PCDH9: variants seen among roughly 807,000 people sequenced by gnomAD.
PCDH9 encodes protocadherin 9.
A neutral mutation model predicts 70.6 loss-of-function variants in PCDH9; 24 were observed. That is an observed-to-expected ratio of 0.34 (90% CI 0.25 to 0.48). The LOEUF is 0.48. Among genes scored for constraint, PCDH9 ranks in the 20% least tolerant of loss-of-function variants. The pLI, the probability that PCDH9 is intolerant of heterozygous loss-of-function variation, is 0.99. For missense variants in PCDH9, 1,281 were observed against 1,503.6 expected, an observed-to-expected ratio of 0.85 and a Z score of 2.45; for synonymous variants, 562 against 558.5, an observed-to-expected ratio of 1.01 and a Z score of -0.09.
intron 4 of PCDH9, among the ~76,000 whole-genome samples, chr13:66,554,684 C>T (rs1961645957): frequency 6.6e-6 from 1 of 151,762 alleles, no homozygotes; most frequent in Non-Finnish European, 1.5e-5. Context: ...CATTCTTAGC[C>T]AATAGCATTA....
intron 4 of PCDH9, among the ~76,000 whole-genome samples, chr13:66,457,581 G>A (rs146487921): frequency 3.7e-4 from 56 of 152,074 alleles, no homozygotes; most frequent in African/African-American, 1.3e-3. Context: ...AGCCTAGGGA[G>A]TTTTTTAAAA....
At chr13:66,569,191 A>AT (rs1157673188) in intron 4 of PCDH9, among the ~76,000 whole-genome samples, 5 of 149,170 alleles carry the variant, frequency 3.4e-5, no homozygotes, top group Non-Finnish European at 7.5e-5. Context: ...ATTTTATTTT[A>AT]TTTTTTAGCA....
intron 2 of PCDH9, among the ~76,000 whole-genome samples, chr13:67,187,926 C>A (rs1445199896): frequency 1.3e-5 from 2 of 151,886 alleles, no homozygotes; most frequent in Non-Finnish European, 2.9e-5. Context: ...CAATTTTAAT[C>A]TTTTAGTTAT....
At position 66,661,304 on chromosome 13, in the gene PCDH9, G is replaced by A. The variant is rs1273135815; in HGVS notation, c.3139-29893C>T. On this transcript the variant is annotated intron_variant, in intron 3 of 4. Transcript: ENST00000377865. ...ACTTCGATATGAGTTCTAGTGCTAG[G>A]AGGATGAGTGTCCTTCATTTTGATC... is the stretch of plus-strand genomic sequence containing the variant. 2.0e-5 allele frequency among the ~76,000 whole-genome samples: 3 copies of A among 152,284 alleles called. 1 individual carries two copies. In the East Asian group the frequency reaches 5.8e-4, roughly 29 times the overall value.
intron 3 of PCDH9, among the ~76,000 whole-genome samples, chr13:66,810,516 T>C (rs1468060339): frequency 6.6e-6 from 1 of 152,040 alleles, no homozygotes; most frequent in East Asian, 1.9e-4. Flanking sequence ...ATAATAAATG[T>C]AAAGTACTGG....
intron 3 of PCDH9, among the ~76,000 whole-genome samples, chr13:66,685,740 T>C (rs1198053656): frequency 4.6e-5 from 7 of 152,218 alleles, no homozygotes; most frequent in Non-Finnish European, 1.0e-4. Flanking sequence ...CCACCTCTTG[T>C]ATCAGCATGA....
chr13:66,434,565 C>T (rs978207230), intron 4 of PCDH9, among the ~76,000 whole-genome samples: 3 of 151,898 alleles, frequency 2.0e-5, no homozygotes, highest in Non-Finnish European at 4.4e-5. Flanking sequence ...ATGATCAATG[C>T]TTGTTGAACA....
chr13:66,505,951 A>G (rs1250098647), intron 4 of PCDH9, among the ~76,000 whole-genome samples: 1 of 152,164 alleles, frequency 6.6e-6, no homozygotes. Flanking sequence ...CCCAACTCAA[A>G]GTCTATTCTA....
chr13:66,531,667 C>T (rs557926703), intron 4 of PCDH9, among the ~76,000 whole-genome samples: 3 of 152,036 alleles, frequency 2.0e-5, no homozygotes, highest in African/African-American at 7.2e-5. Flanking sequence ...GGTCCATTCT[C>T]TAAATACTTA....
intron 3 of PCDH9, among the ~76,000 whole-genome samples, chr13:66,650,791 C>T (rs925685629): frequency 2.0e-5 from 3 of 151,736 alleles, no homozygotes; most frequent in African/African-American, 7.3e-5. Context: ...GGCCACAAGA[C>T]AAGTCTCAAA....
intron 4 of PCDH9, among the ~76,000 whole-genome samples, chr13:66,493,620 T>A (rs1174910398): frequency 1.3e-5 from 2 of 152,130 alleles, no homozygotes; most frequent in East Asian, 1.9e-4. Flanking sequence ...ACCAAGGAGC[T>A]GCCATAACCA....
chr13:67,044,944 G>A (rs9540980), intron 2 of PCDH9, among the ~76,000 whole-genome samples: 15,183 of 152,138 alleles, frequency 0.1, 836 homozygotes, highest in Non-Finnish European at 0.12. Context: ...AGATGAATCT[G>A]ATATACTTCC....
At chr13:66,847,798 C>A (rs1421167098) in intron 3 of PCDH9, among the ~76,000 whole-genome samples, 2 of 152,130 alleles carry the variant, frequency 1.3e-5, no homozygotes, top group Non-Finnish European at 2.9e-5. Flanking sequence ...AGCCCAGAGA[C>A]AGAAGATGCA....
chr13:66,493,711 A>C (rs1398900963), intron 4 of PCDH9, among the ~76,000 whole-genome samples: 1 of 152,122 alleles, frequency 6.6e-6, no homozygotes, highest in African/African-American at 2.4e-5. Context: ...TTATTAATTA[A>C]TTTCTTACAC....
intron 4 of PCDH9, among the ~76,000 whole-genome samples, chr13:66,460,464 T>C (rs1160803147): frequency 6.6e-6 from 1 of 151,786 alleles, no homozygotes; most frequent in Non-Finnish European, 1.5e-5. Context: ...TGAAGTGAAA[T>C]GGTGGATATC....
intron 2 of PCDH9, among the ~76,000 whole-genome samples, chr13:67,000,161 G>T: frequency 6.6e-6 from 1 of 152,162 alleles, no homozygotes; most frequent in South Asian, 2.1e-4. Context: ...CATAAAAAAT[G>T]ATGAGTTCAT....
At chr13:66,883,492 G>A (rs2081955568) in intron 3 of PCDH9, among the ~76,000 whole-genome samples, 1 of 151,972 alleles carries the variant, frequency 6.6e-6, no homozygotes, top group Admixed American at 6.6e-5. Context: ...GCTGACTGAA[G>A]ATATTCTAAC....
chr13:67,214,438 C>G (rs953691995), intron 2 of PCDH9: 1 of 152,108 alleles, frequency 6.6e-6, no homozygotes, highest in South Asian at 2.1e-4. Context: ...CAGATTCTCT[C>G]TTATATGTGA....
intron 4 of PCDH9, among the ~76,000 whole-genome samples, chr13:66,508,766 T>C (rs903532091): frequency 2.6e-5 from 4 of 152,214 alleles, no homozygotes; most frequent in African/African-American, 7.2e-5. Flanking sequence ...GAATAATAGA[T>C]ATACTGATAT....
Sources: allele counts gnomAD v4.1 joint callset (sites outside exome capture counted in the v4.1 genomes callset), GRCh38; gene constraint gnomAD v4.1.1; transcripts MANE v1.5; gene names NCBI Gene and HGNC (gene_info 2026-07-23, HGNC 2026-07-21).